LRMDA: variants seen among roughly 807,000 people sequenced by gnomAD.
The protein encoded by LRMDA is leucine rich melanocyte differentiation associated, also known as leucine-rich melanocyte differentiation-associated protein.
In LRMDA, 18 loss-of-function variants were observed where a neutral mutation model predicts 29.8. The ratio of observed to expected loss-of-function variants is 0.60; its 90% CI spans 0.42 to 0.90. LRMDA has a LOEUF of 0.90. Among genes scored for constraint, LRMDA ranks in the 40% least tolerant of loss-of-function variants. The pLI, the probability that LRMDA is intolerant of heterozygous loss-of-function variation, is 0.00. For synonymous variants in LRMDA, 125 were observed against 109.4 expected (o/e 1.14, Z -0.89); for missense variants, 273 against 273.9 (o/e 1.00, Z 0.02).
chr10:76,047,016 A>G, intron 3 of LRMDA, 148 bp from the exon 4 acceptor site: 1 of 827,852 alleles, frequency 1.2e-6, no homozygotes, highest in Non-Finnish European at 1.9e-6. Flanking sequence ...AAAAGTAGCA[A>G]TACCGTATAC....
Position 75,780,284 on chromosome 10 carries a change from T to G in LRMDA, c.132-255724T>G, listed in dbSNP as rs192739445. ...ATACTGTGAAGTGACTCACATCCCT[T>G]TTTTGCTATATTGACTAGAACTCAA... On this transcript the variant is annotated intron_variant, in intron 2 of 6. Coordinates refer to ENST00000611255, the MANE Select transcript of LRMDA (RefSeq NM_001305581.2). Among the ~76,000 whole-genome samples, 206 of 152,332 alleles carry G rather than the reference T, an allele frequency of 1.4e-3. 2 individuals are homozygous for G. Among genetic ancestry groups the G allele is most frequent in the South Asian group, 1.0e-3 (5 of 4,826 alleles).
chr10:75,575,527 G>T (rs540576295), intron 2 of LRMDA, among the ~76,000 whole-genome samples: 167 of 152,352 alleles, frequency 1.1e-3, no homozygotes, highest in African/African-American at 3.7e-3. Flanking sequence ...AGGGGCTGCA[G>T]GCCCCAGTGC....
At chr10:76,120,185 GTTGA>G (rs1849757570) in intron 5 of LRMDA, among the ~76,000 whole-genome samples, 1 of 139,944 alleles carries the variant, frequency 7.1e-6, no homozygotes. Context: ...ACAGGTATGT[GTTGA>G]TTTTTTTTTT....
chr10:75,767,331 C>G (rs1272986784), intron 2 of LRMDA, among the ~76,000 whole-genome samples: 1 of 152,216 alleles, frequency 6.6e-6, no homozygotes, highest in Non-Finnish European at 1.5e-5. Flanking sequence ...TTAATGATCA[C>G]CATTCTAACT....
At chr10:76,524,523 TTA>T (rs1353367693) in intron 6 of LRMDA, among the ~76,000 whole-genome samples, 1 of 152,210 alleles carries the variant, frequency 6.6e-6, no homozygotes, top group Non-Finnish European at 1.5e-5. Flanking sequence ...TGAAAACTCT[TTA>T]CCAGGTCATA....
chr10:76,199,261 G>C (rs1217747574), intron 5 of LRMDA, among the ~76,000 whole-genome samples: 2 of 152,284 alleles, frequency 1.3e-5, no homozygotes, highest in East Asian at 3.9e-4. Context: ...TCTCAAACAT[G>C]TTCAAGAAGC....
intron 6 of LRMDA, among the ~76,000 whole-genome samples, chr10:76,536,528 C>A (rs558733394): frequency 1.3e-5 from 2 of 152,204 alleles, no homozygotes; most frequent in East Asian, 1.9e-4. Context: ...ATGTTCCCAC[C>A]TTTCCTACTT....
At chr10:76,321,950 C>A (rs2132395007) in intron 5 of LRMDA, among the ~76,000 whole-genome samples, 1 of 152,232 alleles carries the variant, frequency 6.6e-6, no homozygotes, top group South Asian at 2.1e-4. Flanking sequence ...GTCTCAACAA[C>A]AACAACAACA....
intron 3 of LRMDA, among the ~76,000 whole-genome samples, chr10:76,039,082 C>A (rs1295517991): frequency 6.6e-6 from 1 of 152,186 alleles, no homozygotes; most frequent in African/African-American, 2.4e-5. Context: ...ACAGCACAAG[C>A]CCCATAGTAC....
Position 76,382,413 on chromosome 10 carries a change from G to T in LRMDA, c.601+57928G>T, listed in dbSNP as rs554337945. On this transcript the variant is annotated intron_variant, in intron 6 of 6. Coordinates refer to ENST00000611255, the MANE Select transcript of LRMDA (RefSeq NM_001305581.2). ...CAAAGACAATCACTTGGTGGCCATC[G>T]TATTGCAAAAGAAGCAGAGCACAGA... 1.4e-4 allele frequency among the ~76,000 whole-genome samples: 22 copies of T among 152,038 alleles called. No individual in the cohort carries two copies. The South Asian group carries it at 4.6e-3, about 32-fold the overall frequency.
intron 2 of LRMDA, among the ~76,000 whole-genome samples, chr10:75,605,099 A>C (rs1046231158): frequency 3.3e-5 from 5 of 152,226 alleles, no homozygotes; most frequent in African/African-American, 4.8e-5. Flanking sequence ...CCTGGATTCT[A>C]AAAGAGTAAC....
At chr10:76,002,677 G>GAC (rs898734095) in intron 2 of LRMDA, among the ~76,000 whole-genome samples, 9 of 152,222 alleles carry the variant, frequency 5.9e-5, no homozygotes, top group Non-Finnish European at 4.4e-5. Context: ...ACAACAAAGA[G>GAC]ACACACACAC....
At chr10:76,396,900 C>A (rs539791232) in intron 6 of LRMDA, among the ~76,000 whole-genome samples, 1 of 152,158 alleles carries the variant, frequency 6.6e-6, no homozygotes, top group Non-Finnish European at 1.5e-5. Context: ...TGAGGAATCA[C>A]ATTCTCATTG....
intron 2 of LRMDA, among the ~76,000 whole-genome samples, chr10:75,856,123 G>T (rs182676877): frequency 0.013 from 2,020 of 152,236 alleles, 49 homozygotes; most frequent in African/African-American, 0.047. Context: ...TAGCTTGATG[G>T]GGATGGCATT....
intron 2 of LRMDA, among the ~76,000 whole-genome samples, chr10:75,829,932 T>C (rs1227402316): frequency 6.6e-6 from 1 of 151,492 alleles, no homozygotes; most frequent in Non-Finnish European, 1.5e-5. Context: ...TTTTCTGCTA[T>C]TCACTTTAAA....
intron 6 of LRMDA, among the ~76,000 whole-genome samples, chr10:76,466,522 G>A (rs910689762): frequency 6.6e-5 from 10 of 152,152 alleles, no homozygotes; most frequent in South Asian, 4.1e-4. Flanking sequence ...CAGGCTGGGC[G>A]TGGTGGCTCA....
intron 2 of LRMDA, among the ~76,000 whole-genome samples, chr10:75,766,015 TC>T (rs1431310819): frequency 6.6e-6 from 1 of 152,202 alleles, no homozygotes; most frequent in Admixed American, 6.5e-5. Context: ...GAACAGTGGC[TC>T]TAGGTACTAC....
chr10:75,591,058 T>C (rs182481942), intron 2 of LRMDA, among the ~76,000 whole-genome samples: 1 of 152,284 alleles, frequency 6.6e-6, no homozygotes, highest in Non-Finnish European at 1.5e-5. Flanking sequence ...CATTTCTTTC[T>C]ATAGTTTTGT....
At chr10:76,072,513 A>G (rs896059598) in intron 5 of LRMDA, among the ~76,000 whole-genome samples, 3 of 152,212 alleles carry the variant, frequency 2.0e-5, no homozygotes, top group African/African-American at 7.2e-5. Context: ...CTAGACCTTC[A>G]TGTCATTCTA....
Sources: gnomAD v4.1 joint callset for allele counts (sites outside exome capture counted in the v4.1 genomes callset) on GRCh38, gnomAD v4.1.1 for gene constraint, MANE v1.5 for transcripts, NCBI Gene and HGNC (gene_info 2026-07-23, HGNC 2026-07-21) for gene names.